Variants in SLC41A2 observed in about 807,000 individuals in gnomAD.
SLC41A2 encodes the protein solute carrier family 41 member 2.
Under a neutral mutation model 58.3 loss-of-function variants are expected in SLC41A2, and 32 were observed. The observed-to-expected ratio is 0.55, with a 90% CI of 0.41 to 0.74. The LOEUF (loss-of-function observed/expected upper bound fraction) is 0.74. Ranked by LOEUF, SLC41A2 falls within the 30% of genes least tolerant of loss-of-function variation. The probability of loss-of-function intolerance (pLI) is 0.00; values close to 1 mark genes in which losing one functional copy is unlikely to be tolerated. For missense variants in SLC41A2, 514 were observed against 680.6 expected, an observed-to-expected ratio of 0.76 and a Z score of 2.72; for synonymous variants, 190 against 235.0, an observed-to-expected ratio of 0.81 and a Z score of 1.75.
intron 1 of SLC41A2, among the ~76,000 whole-genome samples, chr12:104,935,335 CA>C (rs958649573): frequency 5.3e-4 from 76 of 144,458 alleles, no homozygotes; most frequent in East Asian, 3.0e-3. Context: ...TTCAAAATGC[CA>C]AAAAAAAATA....
intron 1 of SLC41A2, among the ~76,000 whole-genome samples, chr12:104,937,649 G>A (rs1257237234): frequency 6.6e-6 from 1 of 152,174 alleles, no homozygotes; most frequent in Non-Finnish European, 1.5e-5. Flanking sequence ...ATTAAGTGAT[G>A]CATGACTGTA....
In SLC41A2 at chr12:104,804,422, GA is replaced by G. The variant is rs1241191538; in HGVS notation, c.*729del. 6.6e-6 allele frequency: 1 copy of G among 151,948 alleles called. No individual in the cohort carries two copies. Among genetic ancestry groups the G allele is most frequent in the Non-Finnish European group, 1.5e-5 (1 of 67,978 alleles). The allele number at this position is 151,948 out of a possible 1,614,324, so 9.4% of individuals were successfully genotyped here. A position where few individuals can be genotyped will look rare whatever the true frequency, so the allele number is the denominator to read the frequency against. On this transcript the variant is annotated 3_prime_UTR_variant, in exon 11 of 11. Transcript: ENST00000258538. ...TCTCAGGTTATATTCTGTTTTTGAA[GA>G]TTACATTTTTTAAAACACATCAACA...
chr12:104,866,640 G>A, intron 6 of SLC41A2, 61 bp from the exon 7 acceptor site: 2 of 1,358,612 alleles, frequency 1.5e-6, no homozygotes, highest in Non-Finnish European at 2.0e-6. Flanking sequence ...CTATGTAGCA[G>A]ATCTAAATTA....
chr12:104,953,057 C>T (rs2048016480), intron 1 of SLC41A2, among the ~76,000 whole-genome samples: 1 of 152,200 alleles, frequency 6.6e-6, no homozygotes, highest in Non-Finnish European at 1.5e-5. Context: ...GAGCAAGGAC[C>T]CATTCTTGTT....
chr12:104,853,911 A>ATTATTT, intron 8 of SLC41A2, among the ~76,000 whole-genome samples: 1 of 59,494 alleles, frequency 1.7e-5, no homozygotes, highest in Non-Finnish European at 3.2e-5. Flanking sequence ...TGCCTGGCTG[A>ATTATTT]TTTTTTTTTT....
intron 9 of SLC41A2, among the ~76,000 whole-genome samples, chr12:104,844,882 AAC>A (rs2042547438): frequency 6.6e-6 from 1 of 152,296 alleles, no homozygotes; most frequent in African/African-American, 2.4e-5. Context: ...CTATCATAAA[AAC>A]AGAGAAAATA....
chr12:104,889,197 T>G lies in SLC41A2; in HGVS notation c.736-20A>C, dbSNP rs547758588. 26 of 1,596,060 alleles carry G rather than the reference T, an allele frequency of 1.6e-5. No individual in the cohort carries two copies. The South Asian group carries it at 3.0e-4, about 18-fold the overall frequency. ...CTGAACCTAAAATTTTTTTCATAAATCCAACTGAATTATTCACTTTAAAAA... is the reference window on the plus strand; with the variant it reads ...CTGAACCTAAAATTTTTTTCATAAAGCCAACTGAATTATTCACTTTAAAAA... On this transcript the variant is annotated intron_variant, in intron 4 of 10. Transcript: ENST00000258538.
rs11355284 is a variant in SLC41A2 at position 104,804,142 on chromosome 12, C to CAAAAAA, written c.*1004_*1009dup. On this transcript the variant is annotated 3_prime_UTR_variant, in exon 11 of 11. Coordinates refer to ENST00000258538, the MANE Select transcript of SLC41A2 (RefSeq NM_001352171.3). Reference sequence around the variant, plus strand: ...TGGGCGACAGAGCAAGACTCTGTCTCAAAAAAAAAAAAAAAAAAAAAAAAA... The same window carrying CAAAAAA: ...TGGGCGACAGAGCAAGACTCTGTCTCAAAAAAAAAAAAAAAAAAAAAAAAAAAAAAA... The CAAAAAA allele has an allele frequency of 1.1e-4, 7 of 61,394 alleles. No homozygotes were observed. The highest frequency in any genetic ancestry group is 2.6e-4 in the Admixed American group (1 of 3,818). 3.8% of individuals were successfully genotyped at this position (61,394 alleles called of 1,614,324 possible).
At chr12:104,951,027 G>T (rs994233078) in intron 1 of SLC41A2, among the ~76,000 whole-genome samples, 4 of 152,036 alleles carry the variant, frequency 2.6e-5, no homozygotes, top group Non-Finnish European at 4.4e-5. Context: ...TTGAACTTTT[G>T]TTTGAGTACT....
intron 10 of SLC41A2, among the ~76,000 whole-genome samples, chr12:104,826,595 C>G (rs954313056): frequency 6.6e-6 from 1 of 152,164 alleles, no homozygotes; most frequent in Non-Finnish European, 1.5e-5. Flanking sequence ...TCCCTTACCC[C>G]CTCCTAGAAA....
At chr12:104,891,834 T>A (rs755394449) in intron 4 of SLC41A2, among the ~76,000 whole-genome samples, 1 of 152,076 alleles carries the variant, frequency 6.6e-6, no homozygotes, top group Non-Finnish European at 1.5e-5. Context: ...ACTGATAAAT[T>A]CAGTAAAATT....
At chr12:104,916,254 G>A (rs1054642894) in intron 2 of SLC41A2, among the ~76,000 whole-genome samples, 8 of 152,166 alleles carry the variant, frequency 5.3e-5, no homozygotes, top group East Asian at 1.9e-4. Context: ...GTCTCTGCCC[G>A]GCTTTGGTAT....
chr12:104,834,749 A>G (rs911353697), intron 10 of SLC41A2, among the ~76,000 whole-genome samples: 2 of 152,168 alleles, frequency 1.3e-5, no homozygotes, highest in Non-Finnish European at 2.9e-5. Flanking sequence ...TTTAAATATT[A>G]TAACTGCTGT....
intron 3 of SLC41A2, among the ~76,000 whole-genome samples, chr12:104,904,933 A>G (rs2045751688): frequency 6.6e-6 from 1 of 152,164 alleles, no homozygotes; most frequent in Admixed American, 6.5e-5. Flanking sequence ...AAGGGGACCC[A>G]AGCGGGTTAC....
intron 3 of SLC41A2, among the ~76,000 whole-genome samples, chr12:104,908,439 T>C (rs1252364203): frequency 1.3e-5 from 2 of 152,186 alleles, no homozygotes; most frequent in African/African-American, 4.8e-5. Flanking sequence ...AACAGCACAG[T>C]TGTTCAGTTC....
At chr12:104,851,505 G>T (rs913223951) in intron 8 of SLC41A2, among the ~76,000 whole-genome samples, 1 of 151,862 alleles carries the variant, frequency 6.6e-6, no homozygotes, top group African/African-American at 2.4e-5. Flanking sequence ...TGCCTTAGCC[G>T]CTTGCGTAGC....
At chr12:104,897,144 CTTTTTTTTTTT>C in intron 3 of SLC41A2, among the ~76,000 whole-genome samples, 1 of 120,294 alleles carries the variant, frequency 8.3e-6, no homozygotes, top group East Asian at 2.3e-4. Flanking sequence ...TTTCTTTTTT[CTTTTTTTTTTT>C]TTTTTTTTGA....
At chr12:104,843,779 G>A (rs570501394) in intron 10 of SLC41A2, among the ~76,000 whole-genome samples, 18 of 152,076 alleles carry the variant, frequency 1.2e-4, no homozygotes, top group Non-Finnish European at 2.2e-4. Context: ...TTTGAAAATC[G>A]CTGATTTATA....
intron 2 of SLC41A2, among the ~76,000 whole-genome samples, chr12:104,918,004 T>C (rs538781635): frequency 1.4e-5 from 2 of 147,860 alleles, no homozygotes; most frequent in African/African-American, 4.9e-5. Flanking sequence ...ATATAAAATA[T>C]ATATATATAA....
Sources: gnomAD v4.1 joint callset for allele counts (sites outside exome capture counted in the v4.1 genomes callset) on GRCh38, gnomAD v4.1.1 for gene constraint, MANE v1.5 for transcripts, NCBI Gene and HGNC (gene_info 2026-07-23, HGNC 2026-07-21) for gene names.